C8orf34: variants seen among roughly 807,000 people sequenced by gnomAD.
The protein encoded by C8orf34 is chromosome 8 open reading frame 34.
A neutral mutation model predicts 68.3 loss-of-function variants in C8orf34; 65 were observed. That is an observed-to-expected ratio of 0.95 (90% CI 0.78 to 1.17). C8orf34 has a LOEUF of 1.17. C8orf34 is among the 50% of genes most tolerant of loss of function. C8orf34 has a pLI of 0.00. For synonymous variants in C8orf34, 244 were observed against 241.2 expected, an observed-to-expected ratio of 1.01 and a Z score of -0.11; for missense variants, 664 against 655.4, an observed-to-expected ratio of 1.01 and a Z score of -0.14.
intron 4 of C8orf34, among the ~76,000 whole-genome samples, chr8:68,487,032 G>A (rs184374931): frequency 3.3e-5 from 5 of 152,272 alleles, no homozygotes; most frequent in African/African-American, 7.2e-5. Flanking sequence ...AGAATAAAAC[G>A]CAGAGTGAGT....
Position 68,558,427 on chromosome 8 carries a change from A to T in C8orf34, c.1105+25278A>T, listed in dbSNP as rs183176967. Among the ~76,000 whole-genome samples the T allele has an allele frequency of 2.2e-3, 329 of 152,272 alleles. 1 individual carries two copies. Among genetic ancestry groups the T allele is most frequent in the African/African-American group, 7.5e-3 (310 of 41,570 alleles). On this transcript the variant is annotated intron_variant, in intron 7 of 13. Transcript: ENST00000518698. ...TAAATTAATGAAATATACCTCTCTTACAATAAATTAAATTGTTTTTACCAA... is the reference window on the plus strand; with the variant it reads ...TAAATTAATGAAATATACCTCTCTTTCAATAAATTAAATTGTTTTTACCAA...
At chr8:68,504,795 T>G (rs1403015400) in intron 5 of C8orf34, among the ~76,000 whole-genome samples, 1 of 151,950 alleles carries the variant, frequency 6.6e-6, no homozygotes, top group East Asian at 1.9e-4. Flanking sequence ...TTCTCGTGCC[T>G]CAGCCTCCCA....
chr8:68,523,697 T>C (rs1814853714), intron 6 of C8orf34, among the ~76,000 whole-genome samples: 2 of 152,094 alleles, frequency 1.3e-5, no homozygotes, highest in African/African-American at 4.8e-5. Flanking sequence ...TAATACAAAA[T>C]AGGATTTTTG....
intron 12 of C8orf34, among the ~76,000 whole-genome samples, chr8:68,811,066 C>G (rs1824636329): frequency 6.6e-6 from 1 of 152,186 alleles, no homozygotes; most frequent in African/African-American, 2.4e-5. Flanking sequence ...TTCACGGTGC[C>G]CATGGTGCCC....
At chr8:68,680,557 C>T (rs12681248) in intron 8 of C8orf34, among the ~76,000 whole-genome samples, 1 of 151,686 alleles carries the variant, frequency 6.6e-6, no homozygotes, top group Non-Finnish European at 1.5e-5. Context: ...CAGGGAGTAG[C>T]TACAAAGATC....
chr8:68,448,745 TATTGTC>T (rs1811222499), intron 3 of C8orf34, among the ~76,000 whole-genome samples: 2 of 151,994 alleles, frequency 1.3e-5, no homozygotes, highest in Non-Finnish European at 2.9e-5. Flanking sequence ...TTAAAGCAAA[TATTGTC>T]AGACTGAATA....
In C8orf34 at chr8:68,331,186, T is replaced by A. The variant is rs2129617587; in HGVS notation, c.174T>A (p.Ser58Arg). ...TCCGGAGCTCCTGTCCCGGCCCCAG[T>A]CCGGGTAAAAGGAGGGTTGTCCCCA... Reference protein sequence around the residue: ...PRLRSSCPGPSPGKRRVVPSG... With the variant: ...PRLRSSCPGPRPGKRRVVPSG... Residue 58 changes from serine to arginine, a missense_variant, in exon 1 of 14, where the codon AGT (serine) becomes AGA (arginine). Physicochemically the swap from Ser to Arg is moderately radical, Grantham distance 110. Transcript: ENST00000518698. 6.5e-7 allele frequency: 1 copy of A among 1,532,734 alleles called. No individual in the cohort carries two copies. The highest frequency in any genetic ancestry group is 8.7e-7 in the Non-Finnish European group (1 of 1,144,710). The allele number at this position is 1,532,734 out of a possible 1,614,324, so 94.9% of individuals were successfully genotyped here.
intron 5 of C8orf34, among the ~76,000 whole-genome samples, chr8:68,492,975 C>G (rs185594064): frequency 3.3e-5 from 5 of 152,334 alleles, no homozygotes; most frequent in Admixed American, 2.6e-4. Context: ...ATTTAGTTAC[C>G]TTCTCTGTAA....
chr8:68,384,002 C>A (rs1808151151), intron 1 of C8orf34, among the ~76,000 whole-genome samples: 5 of 152,156 alleles, frequency 3.3e-5, no homozygotes, highest in Admixed American at 3.3e-4. Flanking sequence ...AAACTGTCTG[C>A]CATTCAGATG....
chr8:68,418,883 AGAAAACC>A (rs1355541852), intron 1 of C8orf34, among the ~76,000 whole-genome samples: 2 of 151,634 alleles, frequency 1.3e-5, no homozygotes, highest in Non-Finnish European at 2.9e-5. Context: ...AAACCCTAGA[AGAAAACC>A]TAGGCATTAC....
rs1435946975 is a variant in C8orf34, at chr8:68,512,524, A to C, written c.766-9275A>C. Among the ~76,000 whole-genome samples the C allele has an allele frequency of 4.6e-5, 7 of 152,328 alleles. No homozygotes were observed. In the East Asian group the frequency reaches 5.8e-4, roughly 13 times the overall value. ...TAAAACACCTGATATTATGAAATAG[A>C]ATTCCACATTATCATAAATTATTTA... is the stretch of plus-strand genomic sequence containing the variant. On this transcript the variant is annotated intron_variant, in intron 5 of 13. Coordinates refer to ENST00000518698, the MANE Select transcript of C8orf34 (RefSeq NM_052958.4).
At chr8:68,655,680 T>G in intron 8 of C8orf34, among the ~76,000 whole-genome samples, 1 of 152,186 alleles carries the variant, frequency 6.6e-6, no homozygotes, top group East Asian at 1.9e-4. Context: ...TTAGGTGTAT[T>G]AAATGCATTT....
chr8:68,582,701 C>A (rs921931605), intron 7 of C8orf34, among the ~76,000 whole-genome samples: 3 of 151,834 alleles, frequency 2.0e-5, no homozygotes, highest in South Asian at 2.1e-4. Context: ...GTTTTTTGAG[C>A]TCCAATACTC....
At position 68,673,955 on chromosome 8, in the gene C8orf34, G is replaced by T. The variant is rs537686316; in HGVS notation, c.1241+33444G>T. On this transcript the variant is annotated intron_variant, in intron 8 of 13. Transcript: ENST00000518698. Reference sequence around the variant, plus strand: ...ACACAGCAAGCGACTTTGTTTGTTTGGGAGAAATTAAGGGAAGAGAACAAG... The same window carrying T: ...ACACAGCAAGCGACTTTGTTTGTTTTGGAGAAATTAAGGGAAGAGAACAAG... 1.3e-3 allele frequency among the ~76,000 whole-genome samples: 205 copies of T among 152,262 alleles called. 1 individual carries two copies. Among genetic ancestry groups the T allele is most frequent in the Admixed American group, 0.012 (185 of 15,300 alleles).
Position 68,645,224 on chromosome 8 carries a change from G to A in C8orf34, c.1241+4713G>A, listed in dbSNP as rs116831998. On this transcript the variant is annotated intron_variant, in intron 8 of 13. Coordinates refer to ENST00000518698, the MANE Select transcript of C8orf34 (RefSeq NM_052958.4). ...AAGCTGGGTTTTTAGCTGTGAAACG[G>A]AGTTCATATCGCCTTGGAGATAATT... 2.8e-3 allele frequency among the ~76,000 whole-genome samples: 424 copies of A among 152,200 alleles called. 5 individuals are homozygous for A. The highest frequency in any genetic ancestry group is 9.5e-3 in the African/African-American group (396 of 41,532).
intron 10 of C8orf34, among the ~76,000 whole-genome samples, chr8:68,744,329 C>T (rs908905888): frequency 7.2e-5 from 11 of 152,172 alleles, no homozygotes; most frequent in Non-Finnish European, 1.3e-4. Flanking sequence ...CAGAGCACCT[C>T]TCCTCCTCCA....
rs118164480 is a variant in C8orf34 at position 68,519,870 on chromosome 8, C to T, written c.766-1929C>T. ...GAATAAGTAACATTGTAAAGTCTCA[C>T]AGATGGAAAAGTATTCTGAAGTTGT... On this transcript the variant is annotated intron_variant, in intron 5 of 13. Coordinates refer to ENST00000518698, the MANE Select transcript of C8orf34 (RefSeq NM_052958.4). Among the ~76,000 whole-genome samples the T allele has an allele frequency of 9.5e-3, 1,442 of 152,248 alleles. 11 individuals carry two copies. Among genetic ancestry groups the T allele is most frequent in the Non-Finnish European group, 0.014 (956 of 67,978 alleles).
intron 3 of C8orf34, 130 bp downstream of exon 3, chr8:68,446,590 C>T (rs1811135277): frequency 1.1e-6 from 1 of 895,384 alleles, no homozygotes; most frequent in Non-Finnish European, 1.7e-6. Flanking sequence ...TAGTGAATTT[C>T]ACTTTTACTC....
chr8:68,676,358 C>T (rs777975617), intron 8 of C8orf34, among the ~76,000 whole-genome samples: 1 of 151,866 alleles, frequency 6.6e-6, no homozygotes, highest in Non-Finnish European at 1.5e-5. Flanking sequence ...ATGCACCTAA[C>T]TCTAGAGCAC....
Sources: allele counts gnomAD v4.1 joint callset (sites outside exome capture counted in the v4.1 genomes callset), GRCh38; gene constraint gnomAD v4.1.1; transcripts MANE v1.5; gene names NCBI Gene and HGNC (gene_info 2026-07-23, HGNC 2026-07-21).